NWD2: variants seen among roughly 807,000 people sequenced by gnomAD.
NWD2 encodes NACHT and WD repeat domain-containing protein 2.
A neutral mutation model predicts 132.7 loss-of-function variants in NWD2; 37 were observed. That is an observed-to-expected ratio of 0.28 (90% CI 0.21 to 0.37). The LOEUF (loss-of-function observed/expected upper bound fraction) is 0.37, where lower values mean the gene tolerates loss of function less well. NWD2 is among the 10% of genes least tolerant of loss of function. The pLI is 1.00. For missense variants in NWD2, 1,592 were observed against 2,122.4 expected, an observed-to-expected ratio of 0.75 and a Z score of 4.91; for synonymous variants, 705 against 803.0, an observed-to-expected ratio of 0.88 and a Z score of 2.06.
intron 1 of NWD2, among the ~76,000 whole-genome samples, chr4:37,295,182 G>T (rs1577658712): frequency 6.7e-6 from 1 of 149,184 alleles, no homozygotes; most frequent in East Asian, 2.0e-4. Context: ...TTTCAGCTTA[G>T]TTTTTTTTTT....
At chr4:37,303,522 T>C (rs891516015) in intron 1 of NWD2, among the ~76,000 whole-genome samples, 12 of 152,212 alleles carry the variant, frequency 7.9e-5, no homozygotes, top group African/African-American at 2.2e-4. Context: ...AGAGATTACA[T>C]TGAATCTGTA....
At chr4:37,342,445 G>A (rs1211923187) in intron 2 of NWD2, among the ~76,000 whole-genome samples, 1 of 152,138 alleles carries the variant, frequency 6.6e-6, no homozygotes, top group Non-Finnish European at 1.5e-5. Context: ...CCCAGTCTCA[G>A]GTATTCCTTT....
At chr4:37,410,113 A>G (rs1216770440) in intron 3 of NWD2, among the ~76,000 whole-genome samples, 1 of 152,148 alleles carries the variant, frequency 6.6e-6, no homozygotes, top group African/African-American at 2.4e-5. Flanking sequence ...GGGCAAAACA[A>G]CCAGCTAGCT....
At chr4:37,356,345 T>C in intron 2 of NWD2, 21 bp from the exon 3 acceptor site, 1 of 1,315,038 alleles carries the variant, frequency 7.6e-7, no homozygotes, top group Non-Finnish European at 1.0e-6. Context: ...AAACTAATGC[T>C]CTTCATCCAT....
intron 3 of NWD2, among the ~76,000 whole-genome samples, chr4:37,363,024 A>G (rs1490189858): frequency 1.3e-5 from 2 of 152,224 alleles, no homozygotes; most frequent in Non-Finnish European, 2.9e-5. Flanking sequence ...AAAAGAAGAC[A>G]TACAAGTGTC....
chr4:37,318,610 T>C (rs906855771), intron 1 of NWD2, among the ~76,000 whole-genome samples: 3 of 152,012 alleles, frequency 2.0e-5, no homozygotes, highest in African/African-American at 7.2e-5. Context: ...CCCACAGAAG[T>C]CCTCAATTTC....
intron 3 of NWD2, among the ~76,000 whole-genome samples, chr4:37,371,720 A>G (rs1720233359): frequency 6.6e-6 from 1 of 152,240 alleles, no homozygotes; most frequent in African/African-American, 2.4e-5. Flanking sequence ...AATGGACTGA[A>G]CTTAGTGTCT....
chr4:37,297,203 C>T (rs546264355), intron 1 of NWD2, among the ~76,000 whole-genome samples: 6 of 152,242 alleles, frequency 3.9e-5, no homozygotes, highest in Admixed American at 3.9e-4. Flanking sequence ...ATGCTCAAGT[C>T]CCCCTTATAT....
intron 3 of NWD2, among the ~76,000 whole-genome samples, chr4:37,361,525 G>A (rs936856015): frequency 2.6e-5 from 4 of 152,150 alleles, no homozygotes; most frequent in Admixed American, 2.6e-4. Flanking sequence ...TGCAAGGTTG[G>A]TTCAACATAT....
In NWD2 at chr4:37,444,285, T is replaced by G; in HGVS notation, c.2297T>G (p.Val766Gly). The change falls in exon 7 of 7, where the codon GTT becomes GGT. Residue 766 changes from valine (V) to glycine (G), a missense_variant. Physicochemically the swap from Val to Gly is moderately radical, Grantham distance 109. Coordinates refer to ENST00000309447, the MANE Select transcript of NWD2 (RefSeq NM_001144990.2). The surrounding 1 kb of genome is among the most constrained non-coding windows in gnomAD (Gnocchi z 4.8). ...HTILADYFLGVWSGGRRKAFC... is the reference protein window; with the variant it reads ...HTILADYFLGGWSGGRRKAFC... ...ATCTTAGCAGATTATTTTCTGGGGG[T>G]TTGGTCAGGGGGCAGGAGGAAAGCC... The G allele has an allele frequency of 6.4e-7, 1 of 1,551,576 alleles. No homozygotes were observed. Among genetic ancestry groups the G allele is most frequent in the Non-Finnish European group, 8.7e-7 (1 of 1,146,956 alleles).
At chr4:37,274,543 T>A (rs375761176) in intron 1 of NWD2, among the ~76,000 whole-genome samples, 5 of 152,052 alleles carry the variant, frequency 3.3e-5, no homozygotes, top group South Asian at 4.1e-4. Flanking sequence ...ACTATTCCAA[T>A]CAATAGAAAA....
intron 3 of NWD2, among the ~76,000 whole-genome samples, chr4:37,397,432 C>CCTCA (rs1482315686): frequency 6.6e-6 from 1 of 152,112 alleles, no homozygotes; most frequent in Non-Finnish European, 1.5e-5. Flanking sequence ...TGTGGATGGG[C>CCTCA]CTCATCCAAT....
Position 37,439,032 on chromosome 4 carries a change from C to G in NWD2, c.938C>G (p.Ser313Cys), listed in dbSNP as rs1287892179. The change falls in exon 6 of 7, where the codon TCT becomes TGT. Residue 313 changes from serine (S) to cysteine (C), a missense_variant. Ser to Cys is a moderately radical substitution (Grantham distance 112). Around this residue, in one of 7 missense-constraint regions of NWD2, gnomAD observed 1,071 missense variants for 1,398.0 expected, o/e 0.77. Coordinates refer to ENST00000309447, the MANE Select transcript of NWD2 (RefSeq NM_001144990.2). This position sits in a 1 kb window ranked among gnomAD's most constrained non-coding sequence, Gnocchi z 4.5. ...DEFIPTIVAS[S>C]NLRVYTSVTH... Reference sequence around the variant, plus strand: ...TTTATTCCTACTATTGTTGCATCATCTAATCTGAGAGTGTACACATCTGTT... The same window carrying G: ...TTTATTCCTACTATTGTTGCATCATGTAATCTGAGAGTGTACACATCTGTT... 6 of 1,551,684 alleles carry G rather than the reference C, an allele frequency of 3.9e-6. No homozygotes were observed. The highest frequency in any genetic ancestry group is 5.2e-6 in the Non-Finnish European group (6 of 1,146,948).
At chr4:37,326,239 C>A (rs1441383955) in intron 2 of NWD2, among the ~76,000 whole-genome samples, 2 of 152,108 alleles carry the variant, frequency 1.3e-5, no homozygotes. Context: ...TGGACCCTTC[C>A]TGGTATGGGC....
At chr4:37,376,893 C>G (rs1328827023) in intron 3 of NWD2, among the ~76,000 whole-genome samples, 4 of 152,046 alleles carry the variant, frequency 2.6e-5, no homozygotes, top group African/African-American at 9.7e-5. Flanking sequence ...TGTCCTTTGT[C>G]CCAAGTACCT....
chr4:37,426,954 G>A (rs1301653816), intron 3 of NWD2, among the ~76,000 whole-genome samples: 2 of 152,016 alleles, frequency 1.3e-5, no homozygotes, highest in African/African-American at 4.8e-5. Context: ...GTGCTGTCCA[G>A]GGACAAGATC....
chr4:37,405,578 T>A (rs1170917673), intron 3 of NWD2, among the ~76,000 whole-genome samples: 1 of 152,224 alleles, frequency 6.6e-6, no homozygotes, highest in African/African-American at 2.4e-5. Flanking sequence ...TTTCTGATTC[T>A]ATAGGTCTGG....
intron 1 of NWD2, among the ~76,000 whole-genome samples, chr4:37,303,576 C>G (rs1410029284): frequency 6.6e-6 from 1 of 151,788 alleles, no homozygotes; most frequent in Non-Finnish European, 1.5e-5. Flanking sequence ...AATTCAAAAA[C>G]GTGATTTTTT....
At chr4:37,308,767 A>G (rs927531549) in intron 1 of NWD2, among the ~76,000 whole-genome samples, 1 of 151,840 alleles carries the variant, frequency 6.6e-6, no homozygotes, top group Non-Finnish European at 1.5e-5. Context: ...GGCACTCAGT[A>G]GCCTTGACAC....
Sources: gnomAD v4.1 joint callset for allele counts (sites outside exome capture counted in the v4.1 genomes callset) on GRCh38, gnomAD v4.1.1 for gene constraint, gnomAD v4.1.1 regional missense constraint, Gnocchi (gnomAD v3.1) non-coding constraint, MANE v1.5 for transcripts, NCBI Gene and HGNC (gene_info 2026-07-23, HGNC 2026-07-21) for gene names.